DPP10: variants seen among roughly 807,000 people sequenced by gnomAD.
The protein encoded by DPP10 is inactive dipeptidyl peptidase 10.
DPP10 carries 33 observed loss-of-function variants against 120.9 expected under a neutral mutation model. The ratio of observed to expected loss-of-function variants is 0.27; its 90% CI spans 0.21 to 0.37. The LOEUF (loss-of-function observed/expected upper bound fraction) is 0.37. Ranked by LOEUF, DPP10 falls within the 10% of genes least tolerant of loss-of-function variation. The pLI, the probability that DPP10 is intolerant of heterozygous loss-of-function variation, is 1.00. For missense variants in DPP10, 816 were observed against 942.8 expected (o/e 0.87, Z 1.76); for synonymous variants, 337 against 326.1 (o/e 1.03, Z -0.36).
chr2:114,486,990 C>T (rs550138861), intron 1 of DPP10, among the ~76,000 whole-genome samples: 1 of 152,224 alleles, frequency 6.6e-6, no homozygotes, highest in African/African-American at 2.4e-5. Context: ...GCATAATTCA[C>T]ATTCTTGCAA....
intron 1 of DPP10, among the ~76,000 whole-genome samples, chr2:114,663,645 A>ATG (rs1697628976): frequency 1.5e-5 from 1 of 67,412 alleles, no homozygotes; most frequent in African/African-American, 6.6e-5. Context: ...GTACAGATAT[A>ATG]TATATATATA....
chr2:115,626,080 A>G (rs1329296155), intron 5 of DPP10, among the ~76,000 whole-genome samples: 2 of 151,806 alleles, frequency 1.3e-5, no homozygotes, highest in East Asian at 3.9e-4. Flanking sequence ...AGAAACTAAA[A>G]AATAGTTACC....
rs1224577898 is a variant in DPP10, at chr2:115,711,367, AT to A, written c.577-16447del. Among the ~76,000 whole-genome samples the A allele has an allele frequency of 3.3e-5, 5 of 152,240 alleles. No homozygotes were observed. In the East Asian group the frequency reaches 9.7e-4, roughly 29 times the overall value. On this transcript the variant is annotated intron_variant, in intron 7 of 25. Coordinates refer to ENST00000410059, the MANE Select transcript of DPP10 (RefSeq NM_020868.6). ...ATGAGGGATACACATAAAGAATGGG[AT>A]TGTCTTGGTTGACCTGGAATGCTAC...
intron 1 of DPP10, among the ~76,000 whole-genome samples, chr2:114,955,229 A>T (rs1698112265): frequency 2.0e-5 from 3 of 152,176 alleles, no homozygotes; most frequent in Admixed American, 6.5e-5. Flanking sequence ...TAACTTCCTG[A>T]TGTGGCCATG....
intron 1 of DPP10, among the ~76,000 whole-genome samples, chr2:115,010,955 C>T (rs1218218824): frequency 1.3e-5 from 2 of 152,130 alleles, no homozygotes; most frequent in African/African-American, 2.4e-5. Context: ...ACAGTCATGT[C>T]TCTGGAGGCA....
At chr2:115,698,219 C>T (rs930670060) in intron 7 of DPP10, among the ~76,000 whole-genome samples, 14 of 152,022 alleles carry the variant, frequency 9.2e-5, no homozygotes, top group African/African-American at 3.4e-4. Flanking sequence ...AAACTGAAAA[C>T]TGAAAAATTT....
At chr2:115,051,578 TAA>T (rs1235631063) in intron 1 of DPP10, among the ~76,000 whole-genome samples, 1 of 152,188 alleles carries the variant, frequency 6.6e-6, no homozygotes, top group Non-Finnish European at 1.5e-5. Context: ...AAGTATTATG[TAA>T]AAGTCATTAT....
At chr2:114,837,437 AAC>A (rs1687830988) in intron 1 of DPP10, among the ~76,000 whole-genome samples, 2 of 152,146 alleles carry the variant, frequency 1.3e-5, no homozygotes, top group African/African-American at 4.8e-5. Flanking sequence ...TTTTCCTCAC[AAC>A]AGTTAGCAGT....
At chr2:115,493,376 T>C (rs1440632145) in intron 3 of DPP10, among the ~76,000 whole-genome samples, 1 of 152,080 alleles carries the variant, frequency 6.6e-6, no homozygotes, top group African/African-American at 2.4e-5. Context: ...GTACTGAGTT[T>C]TATATGTCTA....
intron 3 of DPP10, among the ~76,000 whole-genome samples, chr2:115,393,916 G>T (rs1302076311): frequency 6.6e-6 from 1 of 152,156 alleles, no homozygotes; most frequent in Non-Finnish European, 1.5e-5. Context: ...ATGAAACAAT[G>T]AAGTGTAATC....
At chr2:114,532,891 A>G (rs1173895588) in intron 1 of DPP10, among the ~76,000 whole-genome samples, 2 of 152,142 alleles carry the variant, frequency 1.3e-5, no homozygotes, top group Non-Finnish European at 1.5e-5. Flanking sequence ...CAGCAGGGAT[A>G]TGATCAGGGG....
chr2:114,735,594 T>A (rs1017515318), intron 1 of DPP10, among the ~76,000 whole-genome samples: 3 of 152,126 alleles, frequency 2.0e-5, no homozygotes, highest in African/African-American at 7.2e-5. Flanking sequence ...CCCCTTTCTA[T>A]GAGCATAATG....
chr2:115,379,994 C>A (rs370655668), intron 3 of DPP10, among the ~76,000 whole-genome samples: 15 of 152,006 alleles, frequency 9.9e-5, no homozygotes, highest in African/African-American at 3.1e-4. Flanking sequence ...ATTTTGGAAT[C>A]GGTGTGGTGT....
At chr2:114,567,820 C>A (rs1029679534) in intron 1 of DPP10, among the ~76,000 whole-genome samples, 3 of 151,950 alleles carry the variant, frequency 2.0e-5, no homozygotes, top group African/African-American at 7.2e-5. Flanking sequence ...TGAGAACTCA[C>A]GGACACAGGA....
chr2:115,328,706 T>G (rs925203427), intron 2 of DPP10, among the ~76,000 whole-genome samples: 1 of 152,114 alleles, frequency 6.6e-6, no homozygotes, highest in Non-Finnish European at 1.5e-5. Context: ...TTTTTCTGGT[T>G]GAAGAGGTCT....
intron 1 of DPP10, among the ~76,000 whole-genome samples, chr2:114,602,983 G>A (rs1441024021): frequency 1.3e-5 from 2 of 152,020 alleles, no homozygotes; most frequent in African/African-American, 2.4e-5. Flanking sequence ...ATAATTAGTA[G>A]TGTGCTGTAT....
intron 1 of DPP10, among the ~76,000 whole-genome samples, chr2:114,633,070 G>C (rs1695053438): frequency 6.6e-6 from 1 of 151,352 alleles, no homozygotes; most frequent in Non-Finnish European, 1.5e-5. Context: ...ACAAAATCTG[G>C]GTGCTAGATG....
intron 5 of DPP10, among the ~76,000 whole-genome samples, chr2:115,571,369 A>C (rs566573897): frequency 2.0e-5 from 3 of 152,036 alleles, no homozygotes; most frequent in Non-Finnish European, 4.4e-5. Context: ...TAGTTTTTCA[A>C]ACCTTACCTC....
chr2:114,745,766 G>A (rs1678519909), intron 1 of DPP10, among the ~76,000 whole-genome samples: 1 of 152,166 alleles, frequency 6.6e-6, no homozygotes, highest in Non-Finnish European at 1.5e-5. Context: ...ATCCAGAGAA[G>A]GGGCTTCTCT....
Sources: gnomAD v4.1 joint callset for allele counts (sites outside exome capture counted in the v4.1 genomes callset) on GRCh38, gnomAD v4.1.1 for gene constraint, MANE v1.5 for transcripts, NCBI Gene and HGNC (gene_info 2026-07-23, HGNC 2026-07-21) for gene names.